SLC36A1: variants seen among roughly 807,000 people sequenced by gnomAD.
The protein encoded by SLC36A1 is solute carrier family 36 member 1.
In SLC36A1, 30 loss-of-function variants were observed where a neutral mutation model predicts 47.5. The observed-to-expected ratio is 0.63, with a 90% CI of 0.47 to 0.86. The LOEUF is 0.86. Ranked by LOEUF, SLC36A1 falls within the 40% of genes least tolerant of loss-of-function variation. SLC36A1 has a pLI of 0.00. For missense variants in SLC36A1, 517 were observed against 606.0 expected, an observed-to-expected ratio of 0.85 and a Z score of 1.54; for synonymous variants, 255 against 249.7, an observed-to-expected ratio of 1.02 and a Z score of -0.20.
the SLC36A1 span, chr5:151,347,538 T>C: frequency 6.4e-7 from 1 of 1,554,310 alleles, no homozygotes; most frequent in Non-Finnish European, 8.8e-7. Context: ...GTGTCTAGTG[T>C]AGATGTACAC....
At chr5:151,440,206 G>T (rs1396233533) in intron 1 of SLC36A1, among the ~76,000 whole-genome samples, 4 of 152,176 alleles carry the variant, frequency 2.6e-5, no homozygotes, top group South Asian at 4.1e-4. Context: ...GGATGGGGCT[G>T]CAGCTCTGGT....
the SLC36A1 span, chr5:151,531,908 C>T: frequency 1.1e-5 from 18 of 1,614,202 alleles, no homozygotes; most frequent in East Asian, 4.5e-5. This position sits in a 1 kb window ranked among gnomAD's most constrained non-coding sequence, Gnocchi z 5.7. Context: ...CCCGTGGTGG[C>T]GTCGATGGAA....
intron 7 of SLC36A1, among the ~76,000 whole-genome samples, chr5:151,468,273 A>ATATATATATATATATATATTT (rs1561759793): frequency 1.4e-4 from 13 of 93,318 alleles, no homozygotes; most frequent in African/African-American, 4.7e-4. Context: ...AAAAATATAT[A>ATATATATATATATATATATTT]TATATATATA....
chr5:151,450,499 C>T (rs146594155), intron 1 of SLC36A1, among the ~76,000 whole-genome samples: 1,849 of 142,174 alleles, frequency 0.013, 15 homozygotes, highest in South Asian at 0.025. Flanking sequence ...ATGGACGGAA[C>T]TGGTGTCCAC....
intron 1 of SLC36A1, among the ~76,000 whole-genome samples, chr5:151,455,036 T>A (rs971259350): frequency 6.6e-6 from 1 of 152,182 alleles, no homozygotes; most frequent in Non-Finnish European, 1.5e-5. Context: ...CCACAATTTG[T>A]CATTATCCCC....
At chr5:151,415,789 G>A in the SLC36A1 span, among the ~76,000 whole-genome samples, 2 of 152,254 alleles carry the variant, frequency 1.3e-5, no homozygotes, top group East Asian at 3.9e-4. Flanking sequence ...GTTTCTCTAT[G>A]AATAGACTGA....
chr5:151,481,996 G>A (rs1032024037), intron 10 of SLC36A1, among the ~76,000 whole-genome samples: 1 of 152,108 alleles, frequency 6.6e-6, no homozygotes, highest in Non-Finnish European at 1.5e-5. Flanking sequence ...GATTCTCTGT[G>A]TCATTTGCCA....
the SLC36A1 span, among the ~76,000 whole-genome samples, chr5:151,428,854 A>G: frequency 1.3e-5 from 2 of 152,190 alleles, no homozygotes. Flanking sequence ...GCTGGTCTCG[A>G]ACTCCTGACT....
chr5:151,525,603 C>A, the SLC36A1 span, among the ~76,000 whole-genome samples: 2 of 152,154 alleles, frequency 1.3e-5, no homozygotes, highest in Admixed American at 1.3e-4. Flanking sequence ...CTATACCTGC[C>A]CTGAGTGTTA....
chr5:151,521,976 A>G, the SLC36A1 span: 4 of 1,614,126 alleles, frequency 2.5e-6, no homozygotes, highest in Non-Finnish European at 3.4e-6. Flanking sequence ...CCTCTCCAAC[A>G]GTGATGAAGA....
the SLC36A1 span, chr5:151,525,686 A>G: frequency 6.6e-7 from 1 of 1,507,414 alleles, no homozygotes; most frequent in South Asian, 1.1e-5. Flanking sequence ...TTTTTTCCCT[A>G]ATGACAGAAG....
chr5:151,481,639 C>CT (rs796528266), intron 10 of SLC36A1, among the ~76,000 whole-genome samples: 6,533 of 145,814 alleles, frequency 0.045, 441 homozygotes, highest in African/African-American at 0.15. Context: ...AGTGTAGTTT[C>CT]TTTTTTTTTT....
chr5:151,544,284 G>A, the SLC36A1 span: 52 of 1,614,112 alleles, frequency 3.2e-5, no homozygotes, highest in Non-Finnish European at 4.2e-5. Flanking sequence ...AGCCTTCTGA[G>A]ATGGAAGTGG....
chr5:151,470,094 C>T (rs1447057692), intron 7 of SLC36A1, among the ~76,000 whole-genome samples: 4 of 152,112 alleles, frequency 2.6e-5, no homozygotes, highest in African/African-American at 4.8e-5. Context: ...TAGTTCTTCA[C>T]GTCCCCTTTT....
intron 10 of SLC36A1, among the ~76,000 whole-genome samples, chr5:151,480,496 C>A (rs1445248703): frequency 6.6e-6 from 1 of 152,202 alleles, no homozygotes; most frequent in Non-Finnish European, 1.5e-5. Flanking sequence ...CTTAGTCACT[C>A]CTTCAGGCCC....
the SLC36A1 span, among the ~76,000 whole-genome samples, chr5:151,541,677 A>G: frequency 6.6e-6 from 1 of 152,266 alleles, no homozygotes. Flanking sequence ...ATTTAGTTTT[A>G]CAGTAGGTAT....
At chr5:151,542,401 T>G in the SLC36A1 span, 1 of 1,614,142 alleles carries the variant, frequency 6.2e-7, no homozygotes, top group Non-Finnish European at 8.5e-7. Flanking sequence ...TCTGTACTCT[T>G]CAGAAGCAAA....
chr5:151,470,111 A>C (rs1296766490), intron 7 of SLC36A1, among the ~76,000 whole-genome samples: 3 of 152,126 alleles, frequency 2.0e-5, no homozygotes, highest in African/African-American at 4.8e-5. Flanking sequence ...TTTTTATGAG[A>C]CTGGAAGGAG....
the SLC36A1 span, among the ~76,000 whole-genome samples, chr5:151,364,079 G>A: frequency 2.0e-5 from 3 of 152,158 alleles, no homozygotes; most frequent in Non-Finnish European, 4.4e-5. Flanking sequence ...GAATGGCACC[G>A]TGTGTGGTCT....
Sources: gnomAD v4.1 joint callset for allele counts (sites outside exome capture counted in the v4.1 genomes callset) on GRCh38, gnomAD v4.1.1 for gene constraint, Gnocchi (gnomAD v3.1) non-coding constraint, MANE v1.5 for transcripts, NCBI Gene and HGNC (gene_info 2026-07-23, HGNC 2026-07-21) for gene names.